HACD2: variants seen among roughly 807,000 people sequenced by gnomAD.
The protein encoded by HACD2 is very-long-chain (3R)-3-hydroxyacyl-CoA dehydratase 2.
A neutral mutation model predicts 31.0 loss-of-function variants in HACD2; 15 were observed. The ratio of observed to expected loss-of-function variants is 0.48; its 90% confidence interval spans 0.32 to 0.75. The LOEUF is 0.75. Among genes scored for constraint, HACD2 ranks in the 30% least tolerant of loss-of-function variants. The pLI is 0.03. For missense variants in HACD2, 283 were observed against 313.0 expected, an observed-to-expected ratio of 0.90 and a Z score of 0.72; for synonymous variants, 115 against 122.2, an observed-to-expected ratio of 0.94 and a Z score of 0.39.
chr3:123,548,612 T>G (rs1190930038), intron 3 of HACD2, among the ~76,000 whole-genome samples: 1 of 152,142 alleles, frequency 6.6e-6, no homozygotes, highest in African/African-American at 2.4e-5. Flanking sequence ...CGCAGAACCT[T>G]TTATCAGAGC....
intron 2 of HACD2, among the ~76,000 whole-genome samples, chr3:123,575,251 T>C (rs1016394125): frequency 1.6e-4 from 25 of 152,042 alleles, no homozygotes; most frequent in Non-Finnish European, 7.4e-5. Context: ...CTAGGACTAA[T>C]ATGCGCCACT....
chr3:123,583,281 T>C (rs1369740873), intron 1 of HACD2, among the ~76,000 whole-genome samples: 1 of 152,192 alleles, frequency 6.6e-6, no homozygotes, highest in Admixed American at 6.5e-5. Flanking sequence ...CTCCACCCCA[T>C]TCTCTATGTT....
intron 3 of HACD2, among the ~76,000 whole-genome samples, chr3:123,534,366 C>T (rs76653924): frequency 0.098 from 14,874 of 151,578 alleles, 1,038 homozygotes; most frequent in African/African-American, 0.2. Flanking sequence ...CTAGTAATGT[C>T]CATTGTTAAC....
chr3:123,552,824 T>G (rs1452062082), intron 3 of HACD2, among the ~76,000 whole-genome samples: 1 of 152,040 alleles, frequency 6.6e-6, no homozygotes, highest in Non-Finnish European at 1.5e-5. Flanking sequence ...AAATGAAGAC[T>G]AAATTTCAAA....
chr3:123,563,644 T>TATAC (rs372632504), intron 3 of HACD2, among the ~76,000 whole-genome samples: 29 of 112,070 alleles, frequency 2.6e-4, no homozygotes, highest in Admixed American at 1.0e-3. Flanking sequence ...AAAATATATA[T>TATAC]ACACACACAC....
chr3:123,535,535 T>C (rs577131839), intron 3 of HACD2, among the ~76,000 whole-genome samples: 1 of 152,334 alleles, frequency 6.6e-6, no homozygotes, highest in Admixed American at 6.5e-5. Flanking sequence ...AGAAAGAGAT[T>C]ATGGCACAGT....
chr3:123,506,911 G>T (rs1392741796), intron 4 of HACD2, among the ~76,000 whole-genome samples: 4 of 152,108 alleles, frequency 2.6e-5, no homozygotes, highest in Non-Finnish European at 5.9e-5. Flanking sequence ...CTACTCAGCT[G>T]CTTTTTGAAT....
At chr3:123,516,357 C>T (rs1218341347) in intron 4 of HACD2, among the ~76,000 whole-genome samples, 1 of 151,926 alleles carries the variant, frequency 6.6e-6, no homozygotes, top group Non-Finnish European at 1.5e-5. Flanking sequence ...GCCTCAGCCT[C>T]CCGAGTAGCT....
chr3:123,584,907 A>G lies in HACD2; in HGVS notation c.121T>C (p.Tyr41His). The change falls in exon 1 of 7, where the codon TAC (tyrosine) becomes CAC (histidine). Residue 41 changes from tyrosine (Y) to histidine (H), a missense_variant. Physicochemically the swap from Tyr to His is moderately conservative, Grantham distance 83. This residue lies in a region of HACD2 where 158 missense variants were observed against 148.3 expected (regional missense o/e 1.07). Transcript: ENST00000383657. ...KKGPGPLATA[Y>H]LVIYNVVMTA... ...ATCACCACATTGTAGATGACCAGGT[A>G]CGCCGTGGCCAGGGGCCCCGGGCCC... 1.3e-6 allele frequency: 2 copies of G among 1,526,760 alleles called. No individual in the cohort carries two copies. Among genetic ancestry groups the G allele is most frequent in the Non-Finnish European group, 1.8e-6 (2 of 1,136,896 alleles). 94.6% of individuals were successfully genotyped at this position (1,526,760 alleles called of 1,614,324 possible).
intron 4 of HACD2, among the ~76,000 whole-genome samples, chr3:123,526,227 C>T (rs372930917): frequency 6.6e-6 from 1 of 152,276 alleles, no homozygotes. Context: ...CTCTGAGGGG[C>T]CACAGCAACA....
chr3:123,540,640 C>A (rs537017773), intron 3 of HACD2, among the ~76,000 whole-genome samples: 5 of 152,198 alleles, frequency 3.3e-5, no homozygotes, highest in Admixed American at 1.3e-4. Context: ...TAGGAAATTC[C>A]CACCCTATTA....
At chr3:123,583,689 A>C (rs1197187056) in intron 1 of HACD2, among the ~76,000 whole-genome samples, 3 of 152,238 alleles carry the variant, frequency 2.0e-5, no homozygotes, top group Admixed American at 1.3e-4. Context: ...GCTGAACTGT[A>C]AAAATATTAA....
chr3:123,545,222 C>A (rs1363305845), intron 3 of HACD2, among the ~76,000 whole-genome samples: 4 of 150,050 alleles, frequency 2.7e-5, no homozygotes. Context: ...TGGCTCACGC[C>A]TGTAATCCCA....
At chr3:123,528,591 A>C in intron 3 of HACD2, 117 bp from the exon 4 acceptor site, 1 of 675,010 alleles carries the variant, frequency 1.5e-6, no homozygotes, top group African/African-American at 1.8e-5. Context: ...TGAGCAACTG[A>C]AAGGTGTCTA....
intron 2 of HACD2, among the ~76,000 whole-genome samples, chr3:123,568,894 C>T (rs2056822959): frequency 1.3e-5 from 2 of 152,206 alleles, no homozygotes; most frequent in African/African-American, 4.8e-5. Flanking sequence ...AGAAGCCACA[C>T]AACTTGCCCA....
chr3:123,494,331 A>T lies in HACD2; in HGVS notation c.*557T>A, dbSNP rs2055806016. 2 of 155,658 alleles carry T rather than the reference A, an allele frequency of 1.3e-5. No individual in the cohort carries two copies. Among genetic ancestry groups the T allele is most frequent in the Non-Finnish European group, 2.8e-5 (2 of 70,832 alleles). The allele number at this position is 155,658 out of a possible 1,614,324, so 9.6% of individuals were successfully genotyped here. Reference sequence around the variant, plus strand: ...CTACCCCGAAGCTTCATAGACATATACATTTTATAATTCATTCATTAGATG... The same window carrying T: ...CTACCCCGAAGCTTCATAGACATATTCATTTTATAATTCATTCATTAGATG... On this transcript the variant is annotated 3_prime_UTR_variant, in exon 7 of 7. Coordinates refer to ENST00000383657, the MANE Select transcript of HACD2 (RefSeq NM_198402.5).
At chr3:123,524,577 C>T (rs1249652823) in intron 4 of HACD2, among the ~76,000 whole-genome samples, 5 of 152,146 alleles carry the variant, frequency 3.3e-5, no homozygotes, top group African/African-American at 4.8e-5. Context: ...GGAGGAAAAG[C>T]ACCTATGGAT....
intron 2 of HACD2, among the ~76,000 whole-genome samples, chr3:123,580,853 A>ATTTT (rs60669874): frequency 2.8e-5 from 3 of 105,304 alleles, no homozygotes; most frequent in African/African-American, 1.2e-4. Context: ...GAGATAAAGA[A>ATTTT]TTTTTTTTTT....
intron 3 of HACD2, among the ~76,000 whole-genome samples, chr3:123,563,995 C>T (rs1559930587): frequency 6.6e-6 from 1 of 152,208 alleles, no homozygotes; most frequent in Admixed American, 6.5e-5. Flanking sequence ...AACAAGACAA[C>T]CTGAAAGACA....
Sources: allele counts gnomAD v4.1 joint callset (sites outside exome capture counted in the v4.1 genomes callset), GRCh38; gene constraint gnomAD v4.1.1; regional missense constraint gnomAD v4.1.1; transcripts MANE v1.5; gene names NCBI Gene and HGNC (gene_info 2026-07-23, HGNC 2026-07-21).